CHAMP1: variants seen among roughly 807,000 people sequenced by gnomAD.
CHAMP1 encodes the protein chromosome alignment maintaining phosphoprotein 1.
CHAMP1 carries 4 observed loss-of-function variants against 54.5 expected under a neutral mutation model. The ratio of observed to expected loss-of-function variants is 0.07; its 90% CI spans 0.04 to 0.17. The LOEUF (loss-of-function observed/expected upper bound fraction) is 0.17, where lower values mean the gene tolerates loss of function less well. CHAMP1 is among the 10% of genes least tolerant of loss of function. CHAMP1 has a pLI of 1.00. For missense variants in CHAMP1, 994 were observed against 968.6 expected, an observed-to-expected ratio of 1.03 and a Z score of -0.35; for synonymous variants, 368 against 342.2, an observed-to-expected ratio of 1.08 and a Z score of -0.83.
At chr13:114,321,507 G>A (rs1216629842) in intron 2 of CHAMP1, among the ~76,000 whole-genome samples, 1 of 152,140 alleles carries the variant, frequency 6.6e-6, no homozygotes, top group Non-Finnish European at 1.5e-5. Flanking sequence ...AGGTGAGTCA[G>A]ACTCAAACCC....
chr13:114,316,121 C>A (rs1306811049), intron 1 of CHAMP1, among the ~76,000 whole-genome samples: 1 of 151,864 alleles, frequency 6.6e-6, no homozygotes, highest in Non-Finnish European at 1.5e-5. Flanking sequence ...CAGGCATGAA[C>A]CACCATGTCC....
chr13:114,316,547 G>A (rs1488132750), intron 1 of CHAMP1, among the ~76,000 whole-genome samples: 1 of 151,194 alleles, frequency 6.6e-6, no homozygotes, highest in Non-Finnish European at 1.5e-5. Context: ...CCGAGATTGC[G>A]CCATTACACT....
intron 1 of CHAMP1, among the ~76,000 whole-genome samples, chr13:114,317,494 G>A (rs954411199): frequency 1.3e-5 from 2 of 152,012 alleles, no homozygotes; most frequent in Admixed American, 6.6e-5. Flanking sequence ...TGTGGTGGCA[G>A]GTACCTATGG....
rs1306876932 is a variant in CHAMP1 at position 114,324,299 on chromosome 13, C to T, written c.457C>T (p.Pro153Ser). ...PESPKPTPLT[P>S]LEPQKPGSVV... ...ATCGCCAAAACCTACTCCTCTTACTCCCCTGGAGCCTCAGAAACCTGGCTC... is the reference window on the plus strand; with the variant it reads ...ATCGCCAAAACCTACTCCTCTTACTTCCCTGGAGCCTCAGAAACCTGGCTC... Residue 153 changes from proline (P) to serine (S), a missense_variant, in exon 3 of 3, where the codon CCC becomes TCC. By Grantham distance (74) the Pro-to-Ser change is moderately conservative (BLOSUM62 -1). Around this residue, in one of 3 missense-constraint regions of CHAMP1, gnomAD observed 851 missense variants for 701.3 expected, o/e 1.21. Coordinates refer to ENST00000361283, the MANE Select transcript of CHAMP1 (RefSeq NM_032436.4). 4 of 1,614,130 alleles carry T rather than the reference C, an allele frequency of 2.5e-6. No homozygotes were observed. Among genetic ancestry groups the T allele is most frequent in the Non-Finnish European group, 3.4e-6 (4 of 1,180,018 alleles).
intron 1 of CHAMP1, among the ~76,000 whole-genome samples, chr13:114,317,373 C>G (rs908087195): frequency 2.7e-5 from 4 of 150,548 alleles, no homozygotes; most frequent in Admixed American, 2.6e-4. Flanking sequence ...CACCTGTAAT[C>G]CCAGCACTTT....
At chr13:114,320,929 C>T (rs1436861779) in intron 1 of CHAMP1, among the ~76,000 whole-genome samples, 181 bp from the exon 2 acceptor site, 1 of 150,102 alleles carries the variant, frequency 6.7e-6, no homozygotes, top group Non-Finnish European at 1.5e-5. Context: ...GCACTCCAGC[C>T]TGGGCGACAG....
At chr13:114,319,200 G>A (rs1286826104) in intron 1 of CHAMP1, among the ~76,000 whole-genome samples, 1 of 152,106 alleles carries the variant, frequency 6.6e-6, no homozygotes, top group Non-Finnish European at 1.5e-5. Flanking sequence ...ATTTGGGCAA[G>A]CTGTTTAATG....
Position 114,326,499 on chromosome 13 carries a change from G to A in CHAMP1, c.*218G>A, listed in dbSNP as rs2087253714. 2 of 446,124 alleles carry A rather than the reference G, an allele frequency of 4.5e-6. No individual in the cohort carries two copies. The highest frequency in any genetic ancestry group is 8.1e-5 in the Admixed American group (2 of 24,692). 27.6% of individuals were successfully genotyped at this position (446,124 alleles called of 1,614,324 possible). On this transcript the variant is annotated 3_prime_UTR_variant, in exon 3 of 3. Transcript: ENST00000361283. The stretch of plus-strand genomic sequence containing the variant: ...AGTCAATAAATTTCTGTATAGTCCA[G>A]ATGGATTAAACTTCTCATTTCTTTT...
chr13:114,325,464 C>T lies in CHAMP1; in HGVS notation c.1622C>T (p.Ala541Val), dbSNP rs797037189. 5.6e-6 allele frequency: 9 copies of T among 1,614,040 alleles called. No homozygotes were observed. Among genetic ancestry groups the T allele is most frequent in the Non-Finnish European group, 7.6e-6 (9 of 1,180,036 alleles). The change falls in exon 3 of 3, where the codon GCT (alanine) becomes GTT (valine). Residue 541 changes from alanine (A) to valine (V), a missense_variant. Around this residue, in one of 3 missense-constraint regions of CHAMP1, gnomAD observed 851 missense variants for 701.3 expected, o/e 1.21. Transcript: ENST00000361283. ...GAGCCTGCCAAAACAGCCCCTCCTGCTTCTCCAGAAGCACGCAAACGTGCC... is the reference window on the plus strand; with the variant it reads ...GAGCCTGCCAAAACAGCCCCTCCTGTTTCTCCAGAAGCACGCAAACGTGCC... ...FPEPAKTAPP[A>V]SPEARKRALF...
chr13:114,318,938 G>A (rs1274896620), intron 1 of CHAMP1, among the ~76,000 whole-genome samples: 1 of 137,700 alleles, frequency 7.3e-6, no homozygotes, highest in African/African-American at 2.7e-5. Context: ...CCTGCCCAGA[G>A]CTGGGGACAG....
chr13:114,327,285 G>A lies in CHAMP1; in HGVS notation c.*1004G>A, dbSNP rs575226907. 1.3e-5 allele frequency: 2 copies of A among 158,268 alleles called. No homozygotes were observed. The highest frequency in any genetic ancestry group is 2.4e-5 in the African/African-American group (1 of 41,548). The allele number at this position is 158,268 out of a possible 1,614,324, so 9.8% of individuals were successfully genotyped here. ...TTTATTCTAAAATATTTTGTCAAAT[G>A]TGTATCAACCAAATTAAAAAGAAAG... On this transcript the variant is annotated 3_prime_UTR_variant, in exon 3 of 3. Transcript: ENST00000361283.
At chr13:114,318,857 CTTTTTTTTTTTTT>C (rs56669844) in intron 1 of CHAMP1, among the ~76,000 whole-genome samples, 8 of 24,156 alleles carry the variant, frequency 3.3e-4, no homozygotes, top group African/African-American at 6.8e-4. Context: ...TCCTGGTTGC[CTTTTTTTTTTTTT>C]TTTTTTTTTT....
chr13:114,321,736 A>G (rs2087175048), intron 2 of CHAMP1, among the ~76,000 whole-genome samples: 1 of 152,116 alleles, frequency 6.6e-6, no homozygotes, highest in Admixed American at 6.5e-5. Flanking sequence ...GCATTCAATT[A>G]CGTTTGTAAG....
chr13:114,323,872 A>G lies in CHAMP1; in HGVS notation c.30A>G (p.Pro10=), dbSNP rs782156847. Residue 10 remains proline (P), a synonymous_variant, in exon 3 of 3, where the codon CCA becomes CCG. Coordinates refer to ENST00000361283, the MANE Select transcript of CHAMP1 (RefSeq NM_032436.4). MEAFQELRK[P]SARLECDHCS... Reference sequence around the variant, plus strand: ...AAGCATTCCAGGAACTTCGTAAACCATCAGCACGTTTGGAGTGTGACCATT... The same window carrying G: ...AAGCATTCCAGGAACTTCGTAAACCGTCAGCACGTTTGGAGTGTGACCATT... 9 of 1,609,202 alleles carry G rather than the reference A, an allele frequency of 5.6e-6. No individual in the cohort carries two copies. Among genetic ancestry groups the G allele is most frequent in the Non-Finnish European group, 7.7e-6 (9 of 1,176,262 alleles).
At position 114,325,380 on chromosome 13, in the gene CHAMP1, A is replaced by G; in HGVS notation, c.1538A>G (p.Asp513Gly). ...GPSESPKAAS[D>G]IWKPVLSIDT... The stretch of plus-strand genomic sequence containing the variant: ...TCTGAGTCCCCCAAAGCAGCCTCAG[A>G]TATCTGGAAGCCTGTTCTCTCTATC... Residue 513 changes from aspartate to glycine, a missense_variant, in exon 3 of 3, where the codon GAT becomes GGT. Asp to Gly is a moderately conservative substitution (Grantham distance 94). Around this residue, in one of 3 missense-constraint regions of CHAMP1, gnomAD observed 851 missense variants for 701.3 expected, o/e 1.21. Transcript: ENST00000361283. The G allele has an allele frequency of 6.2e-7, 1 of 1,614,086 alleles. No individual in the cohort carries two copies. The highest frequency in any genetic ancestry group is 2.2e-5 in the East Asian group (1 of 44,888).
At position 114,326,326 on chromosome 13, in the gene CHAMP1, C is replaced by G; in HGVS notation, c.*45C>G. 6.6e-7 allele frequency: 1 copy of G among 1,520,834 alleles called. No homozygotes were observed. 94.2% of individuals were successfully genotyped at this position (1,520,834 alleles called of 1,614,324 possible). A position where few individuals can be genotyped will look rare whatever the true frequency, so the allele number is the denominator to read the frequency against. On this transcript the variant is annotated 3_prime_UTR_variant, in exon 3 of 3. Transcript: ENST00000361283. ...GTTCTACAAAGGTGTTTGTTGGAAC[C>G]ATTCTTTGTAAGTATAGCTTATCAG...
Position 114,325,372 on chromosome 13 carries a change from A to G in CHAMP1, c.1530A>G (p.Ala510=), listed in dbSNP as rs1555379787. The change falls in exon 3 of 3, where the codon GCA becomes GCG. Residue 510 remains alanine, a synonymous_variant. Coordinates refer to ENST00000361283, the MANE Select transcript of CHAMP1 (RefSeq NM_032436.4). ...CTGGGCCATCTGAGTCCCCCAAAGC[A>G]GCCTCAGATATCTGGAAGCCTGTTC... ...GPSGPSESPK[A]ASDIWKPVLS... The G allele has an allele frequency of 1.2e-6, 2 of 1,614,106 alleles. No individual in the cohort carries two copies. The highest frequency in any genetic ancestry group is 2.2e-5 in the East Asian group (1 of 44,888).
chr13:114,320,728 G>A (rs1374491515), intron 1 of CHAMP1, among the ~76,000 whole-genome samples: 2 of 151,984 alleles, frequency 1.3e-5, no homozygotes, highest in Non-Finnish European at 2.9e-5. Flanking sequence ...AGGCCGAGGC[G>A]GGCGGATCAC....
At position 114,325,368 on chromosome 13, in the gene CHAMP1, A is replaced by G. The variant is rs375854088; in HGVS notation, c.1526A>G (p.Lys509Arg). 3.1e-6 allele frequency: 5 copies of G among 1,613,894 alleles called. No individual in the cohort carries two copies. In the South Asian group the frequency reaches 3.3e-5, roughly 11 times the overall value. Reference protein sequence around the residue: ...PGPSGPSESPKAASDIWKPVL... With the variant: ...PGPSGPSESPRAASDIWKPVL... ...CCTTCTGGGCCATCTGAGTCCCCCA[A>G]AGCAGCCTCAGATATCTGGAAGCCT... The change falls in exon 3 of 3, where the codon AAA (lysine) becomes AGA (arginine). Residue 509 changes from lysine to arginine, a missense_variant. Physicochemically the swap from Lys to Arg is conservative, Grantham distance 26 (BLOSUM62 2). Coordinates refer to ENST00000361283, the MANE Select transcript of CHAMP1 (RefSeq NM_032436.4).
Sources: gnomAD v4.1 joint callset for allele counts (sites outside exome capture counted in the v4.1 genomes callset) on GRCh38, gnomAD v4.1.1 for gene constraint, gnomAD v4.1.1 regional missense constraint, MANE v1.5 for transcripts, NCBI Gene and HGNC (gene_info 2026-07-23, HGNC 2026-07-21) for gene names.